Variants in FGF22 observed in about 807,000 individuals in gnomAD.
FGF22 encodes the protein FGF-22.
Under a neutral mutation model 10.3 loss-of-function variants are expected in FGF22, and 11 were observed. The ratio of observed to expected loss-of-function variants is 1.07; its 90% CI spans 0.67 to 1.77. The LOEUF (loss-of-function observed/expected upper bound fraction) is 1.77, where lower values mean the gene tolerates loss of function less well. Ranked by LOEUF, FGF22 falls within the 40% of genes most tolerant of loss-of-function variation. The probability of loss-of-function intolerance (pLI) is 0.00; values close to 1 mark genes in which losing one functional copy is unlikely to be tolerated. For synonymous variants in FGF22, 136 were observed against 122.1 expected, an observed-to-expected ratio of 1.11 and a Z score of -0.75; for missense variants, 317 against 273.2, an observed-to-expected ratio of 1.16 and a Z score of -1.13.
At chr19:639,892 A>T in exon 1 of FGF22, 1 of 1,187,956 alleles carries the variant, frequency 8.4e-7, no homozygotes, top group Non-Finnish European at 1.0e-6. Flanking sequence ...GACGCCCGGG[A>T]GCGACGAGCG....
exon 1 of FGF22, chr19:640,113 G>A: frequency 2.9e-6 from 4 of 1,375,398 alleles, no homozygotes; most frequent in African/African-American, 1.5e-5. Flanking sequence ...CGCGTGCAGG[G>A]CACCCGCTGG....
In FGF22 at chr19:643,528, G is replaced by T. The variant is rs527353913; in HGVS notation, c.437G>T (p.Arg146Met). 60 of 1,583,974 alleles carry T rather than the reference G, an allele frequency of 3.8e-5. No individual in the cohort carries two copies. The Admixed American group carries it at 4.9e-4, about 13-fold the overall frequency. Residue 146 changes from arginine to methionine, a missense_variant, in exon 3 of 3, where the codon AGG becomes ATG. Physicochemically the swap from Arg to Met is moderately conservative, Grantham distance 91. Coordinates refer to ENST00000215530, the Ensembl canonical transcript of FGF22. ...CCCATGTTCCTGGCGCTGGACAGGA[G>T]GGGGGGGCCCCGGCCAGGCGGCCGG...
At chr19:644,284 GC>G (rs1374187200) in exon 3 of FGF22, 1 of 152,510 alleles carries the variant, frequency 6.6e-6, no homozygotes, top group Non-Finnish European at 1.5e-5. Flanking sequence ...GGAGGGACCG[GC>G]CTGCTCCTGC....
intron 1 of FGF22, chr19:641,138 C>T: frequency 4.4e-6 from 2 of 456,106 alleles, no homozygotes; most frequent in Non-Finnish European, 8.8e-6. Flanking sequence ...CGTGCATTCG[C>T]TGGTCACTAA....
intron 1 of FGF22, chr19:641,069 C>G (rs1038008610): frequency 4.8e-6 from 2 of 419,956 alleles, no homozygotes; most frequent in South Asian, 3.4e-5. Flanking sequence ...CTCCAAGCCT[C>G]GGTTTCCCCA....
exon 3 of FGF22, chr19:643,939 CGGAGG>C (rs1216387008): frequency 9.5e-5 from 3 of 31,590 alleles, no homozygotes; most frequent in South Asian, 9.4e-4. Flanking sequence ...GGGGCAGGAG[CGGAGG>C]GGAGGGGAGG....
chr19:641,277 A>C (rs571581489), intron 1 of FGF22: 6 of 455,264 alleles, frequency 1.3e-5, no homozygotes, highest in Admixed American at 2.3e-5. Flanking sequence ...AGGTGGGTGC[A>C]CAGAACAGTG....
chr19:642,858 C>T (rs899322536), intron 1 of FGF22, among the ~76,000 whole-genome samples: 2 of 151,992 alleles, frequency 1.3e-5, no homozygotes, highest in Admixed American at 6.5e-5. Context: ...TGACGTCCGT[C>T]CCTCTGGGTG....
chr19:643,443 C>T (rs750445158), exon 3 of FGF22: 43 of 1,611,440 alleles, frequency 2.7e-5, no homozygotes, highest in East Asian at 1.3e-4. Context: ...GTTCCGGGAG[C>T]GCATCGAAGA....
At chr19:642,261 G>C (rs1440994102) in intron 1 of FGF22, among the ~76,000 whole-genome samples, 7 of 89,152 alleles carry the variant, frequency 7.9e-5, no homozygotes, top group African/African-American at 3.0e-4. Context: ...GTGAGGGCCG[G>C]GCTGGGGGCT....
rs1158550203 is a variant in FGF22 at position 641,254 on chromosome 19, T to C, written c.214+1115T>C. ...CAGAGGCGCGCAGCAGTTAGACACG[T>C]GAACAAGGGCGCAGGTGGGTGCACA... is the stretch of plus-strand genomic sequence containing the variant. On this transcript the variant is annotated intron_variant, in intron 1 of 2. Coordinates refer to ENST00000215530, the Ensembl canonical transcript of FGF22. 2.2e-5 allele frequency: 10 copies of C among 456,048 alleles called. No homozygotes were observed. The East Asian group carries it at 7.0e-4, about 32-fold the overall frequency. 28.3% of individuals were successfully genotyped at this position (456,048 alleles called of 1,614,324 possible).
intron 1 of FGF22, 83 bp downstream of exon 1, chr19:640,222 C>T: frequency 1.0e-6 from 1 of 971,422 alleles, no homozygotes; most frequent in Non-Finnish European, 1.3e-6. Flanking sequence ...TGACCTGCGC[C>T]CGCGGGGGAG....
At chr19:641,462 C>T (rs1266979051) in intron 1 of FGF22, 3 of 346,768 alleles carry the variant, frequency 8.7e-6, no homozygotes, top group Admixed American at 7.3e-5. Flanking sequence ...GTAGTCCCAG[C>T]TACTCGGGAG....
chr19:643,631 A>G lies in FGF22; in HGVS notation c.*27A>G, dbSNP rs568657875. On this transcript the variant is annotated 3_prime_UTR_variant, in exon 3 of 3. Transcript: ENST00000215530. Reference sequence around the variant, plus strand: ...GCCCTGAGAGGCCGGCGGCTCCCCAAGGTGCCTGGGCTGGTGGCGAGGGGC... The same window carrying G: ...GCCCTGAGAGGCCGGCGGCTCCCCAGGGTGCCTGGGCTGGTGGCGAGGGGC... 113 of 1,484,182 alleles carry G rather than the reference A, an allele frequency of 7.6e-5. 1 individual carries two copies. In the African/African-American group the frequency reaches 8.0e-4, roughly 10 times the overall value. 91.9% of individuals were successfully genotyped at this position (1,484,182 alleles called of 1,614,324 possible).
At chr19:643,620 G>A (rs1436143411) in exon 3 of FGF22, 2 of 1,499,348 alleles carry the variant, frequency 1.3e-6, no homozygotes, top group Non-Finnish European at 1.8e-6. Flanking sequence ...TGAGAGGCCG[G>A]CGGCTCCCCA....
At chr19:641,986 G>T (rs942628233) in intron 1 of FGF22, among the ~76,000 whole-genome samples, 1 of 152,180 alleles carries the variant, frequency 6.6e-6, no homozygotes, top group Non-Finnish European at 1.5e-5. Flanking sequence ...AGACGATGGC[G>T]TCCAAATCTG....
chr19:641,473 G>C (rs987713870), intron 1 of FGF22: 1 of 336,788 alleles, frequency 3.0e-6, no homozygotes, highest in African/African-American at 2.1e-5. Flanking sequence ...TACTCGGGAG[G>C]CTGAGGCAGG....
At chr19:644,045 C>A (rs923212969) in exon 3 of FGF22, 3 of 193,044 alleles carry the variant, frequency 1.6e-5, no homozygotes, top group Non-Finnish European at 3.2e-5. Flanking sequence ...CTTGCGAGGA[C>A]AAAGGCACCT....
chr19:640,255 C>G (rs1600613440), intron 1 of FGF22, 116 bp downstream of exon 1: 1 of 640,552 alleles, frequency 1.6e-6, no homozygotes, highest in Middle Eastern at 4.9e-4. Context: ...CTCTGTGCAG[C>G]CTCGGCCTCA....
Sources: allele counts gnomAD v4.1 joint callset (sites outside exome capture counted in the v4.1 genomes callset), GRCh38; gene constraint gnomAD v4.1.1; transcripts MANE v1.5; gene names NCBI Gene and HGNC (gene_info 2026-07-23, HGNC 2026-07-21).